Variants in ELL2 observed in about 807,000 individuals in gnomAD.
The protein encoded by ELL2 is RNA polymerase II elongation factor ELL2.
ELL2 carries 21 observed loss-of-function variants against 72.8 expected under a neutral mutation model. The observed-to-expected ratio is 0.29, with a 90% CI of 0.20 to 0.42. ELL2 has a LOEUF of 0.42. Among genes scored for constraint, ELL2 ranks in the 10% least tolerant of loss-of-function variants. The pLI is 1.00. For synonymous variants in ELL2, 266 were observed against 283.2 expected (o/e 0.94, Z 0.61); for missense variants, 568 against 772.8 (o/e 0.73, Z 3.14).
chr5:95,948,108 C>T (rs190972438), intron 1 of ELL2, among the ~76,000 whole-genome samples: 25 of 152,182 alleles, frequency 1.6e-4, no homozygotes, highest in African/African-American at 5.8e-4. Context: ...TAGAAAAGAA[C>T]ATGTTAACTA....
At chr5:95,910,600 T>C (rs1446319944) in intron 4 of ELL2, among the ~76,000 whole-genome samples, 1 of 152,062 alleles carries the variant, frequency 6.6e-6, no homozygotes, top group Non-Finnish European at 1.5e-5. Context: ...CACGAGAGGG[T>C]TGCAGAAACT....
At chr5:95,889,322 C>T (rs979040808) in intron 10 of ELL2, among the ~76,000 whole-genome samples, 192 bp from the exon 11 acceptor site, 3 of 152,208 alleles carry the variant, frequency 2.0e-5, no homozygotes, top group South Asian at 2.1e-4. Flanking sequence ...AGCAATTCTA[C>T]TTATCCTATG....
At chr5:95,914,260 A>G (rs1240744076) in intron 3 of ELL2, among the ~76,000 whole-genome samples, 1 of 152,182 alleles carries the variant, frequency 6.6e-6, no homozygotes, top group Non-Finnish European at 1.5e-5. Context: ...ACTATTTTAA[A>G]GAATTATCTA....
At chr5:95,913,409 A>T (rs1749674782) in intron 4 of ELL2, 1 of 160,110 alleles carries the variant, frequency 6.2e-6, no homozygotes, top group Non-Finnish European at 1.4e-5. Context: ...CCCTACAAAA[A>T]GGCAAAACAA....
In ELL2 at chr5:95,927,424, TAC is replaced by T. The variant is rs749526931; in HGVS notation, c.196-7881_196-7880del. On this transcript the variant is annotated intron_variant, in intron 2 of 11. Transcript: ENST00000237853. ...ATACACACACGTGTGTATATAGACA[TAC>T]ACACACACGTGTGTATATAGACATA... Among the ~76,000 whole-genome samples, 349 of 37,254 alleles carry T rather than the reference TAC, an allele frequency of 9.4e-3. 57 individuals are homozygous for T. The highest frequency in any genetic ancestry group is 0.012 in the Non-Finnish European group (261 of 22,220). 24.4% of individuals were successfully genotyped at this position (37,254 alleles called of 152,430 possible).
intron 2 of ELL2, among the ~76,000 whole-genome samples, chr5:95,931,741 T>C (rs1441767862): frequency 7.1e-6 from 1 of 140,820 alleles, no homozygotes; most frequent in African/African-American, 2.7e-5. Context: ...AAATTACAGA[T>C]GCCTGCTGCT....
chr5:95,910,126 T>C (rs1014608600), intron 4 of ELL2, among the ~76,000 whole-genome samples: 1 of 152,200 alleles, frequency 6.6e-6, no homozygotes, highest in Non-Finnish European at 1.5e-5. Context: ...ATGTTAGCAC[T>C]ACAAAGGACC....
intron 2 of ELL2, among the ~76,000 whole-genome samples, chr5:95,931,914 A>C (rs538342483): frequency 6.6e-6 from 1 of 150,794 alleles, no homozygotes; most frequent in East Asian, 1.9e-4. Flanking sequence ...GGGAATCACA[A>C]CTTTATGACT....
chr5:95,949,849 G>A (rs190514627), intron 1 of ELL2, among the ~76,000 whole-genome samples: 23 of 152,256 alleles, frequency 1.5e-4, no homozygotes, highest in South Asian at 1.2e-3. Flanking sequence ...CTATTTGAGC[G>A]TTTACAATGT....
chr5:95,960,538 G>A (rs1023495793), intron 1 of ELL2, among the ~76,000 whole-genome samples: 1 of 151,922 alleles, frequency 6.6e-6, no homozygotes, highest in Non-Finnish European at 1.5e-5. Flanking sequence ...GTGTGTGTGT[G>A]TCCATGGGCT....
intron 1 of ELL2, among the ~76,000 whole-genome samples, chr5:95,947,805 A>G (rs979755760): frequency 1.3e-5 from 2 of 152,182 alleles, no homozygotes; most frequent in African/African-American, 2.4e-5. Context: ...AATTTCATAA[A>G]GTAATTATAA....
At chr5:95,935,470 AATTACTCTTTAAATAGGGC>A in intron 2 of ELL2, among the ~76,000 whole-genome samples, 1 of 152,302 alleles carries the variant, frequency 6.6e-6, no homozygotes, top group Non-Finnish European at 1.5e-5. Context: ...CTAGAAAAAA[AATTACTCTTTAAATAGGGC>A]TTCACATCAG....
intron 7 of ELL2, 200 bp downstream of exon 7, chr5:95,900,493 C>T (rs1749092853): frequency 1.0e-5 from 4 of 396,618 alleles, no homozygotes; most frequent in African/African-American, 8.3e-5. Flanking sequence ...CTCTGACAAG[C>T]AGTGCTGTGT....
At chr5:95,916,717 A>C (rs1749818309) in intron 3 of ELL2, among the ~76,000 whole-genome samples, 1 of 149,892 alleles carries the variant, frequency 6.7e-6, no homozygotes, top group African/African-American at 2.5e-5. Flanking sequence ...TTTTTTAATA[A>C]GACAGACTTG....
intron 1 of ELL2, among the ~76,000 whole-genome samples, chr5:95,957,717 T>C (rs887421558): frequency 6.6e-6 from 1 of 152,170 alleles, no homozygotes; most frequent in Non-Finnish European, 1.5e-5. Flanking sequence ...GGAACCTGAA[T>C]AATGAAGGTC....
intron 2 of ELL2, among the ~76,000 whole-genome samples, chr5:95,923,018 G>T (rs148096152): frequency 1.3e-5 from 2 of 152,076 alleles, no homozygotes; most frequent in Non-Finnish European, 2.9e-5. Context: ...CTCCAATTAC[G>T]CAGTACAAAA....
chr5:95,924,019 T>G (rs1750194353), intron 2 of ELL2, among the ~76,000 whole-genome samples: 1 of 152,114 alleles, frequency 6.6e-6, no homozygotes, highest in Admixed American at 6.5e-5. Context: ...AGGTAATATA[T>G]GACAATTAGG....
chr5:95,931,417 C>T (rs143342637), intron 2 of ELL2, among the ~76,000 whole-genome samples: 1 of 152,234 alleles, frequency 6.6e-6, no homozygotes, highest in Admixed American at 6.5e-5. Flanking sequence ...CTGTTTGATT[C>T]TAACACACAC....
At chr5:95,894,367 G>A (rs1392098752) in intron 9 of ELL2, among the ~76,000 whole-genome samples, 2 of 152,236 alleles carry the variant, frequency 1.3e-5, no homozygotes, top group Non-Finnish European at 2.9e-5. Context: ...ATAAGTATAT[G>A]TCACTATTAT....
Sources: allele counts gnomAD v4.1 joint callset (sites outside exome capture counted in the v4.1 genomes callset), GRCh38; gene constraint gnomAD v4.1.1; transcripts MANE v1.5; gene names NCBI Gene and HGNC (gene_info 2026-07-23, HGNC 2026-07-21).